TBC1D22A: variants seen among roughly 807,000 people sequenced by gnomAD.
TBC1D22A encodes the protein putative GTPase activator.
Under a neutral mutation model 60.2 loss-of-function variants are expected in TBC1D22A, and 38 were observed. The observed-to-expected ratio is 0.63, with a 90% confidence interval of 0.49 to 0.83. The LOEUF is 0.83. Ranked by LOEUF, TBC1D22A falls within the 40% of genes least tolerant of loss-of-function variation. The pLI is 0.00. For synonymous variants in TBC1D22A, 302 were observed against 281.7 expected (o/e 1.07, Z -0.72); for missense variants, 628 against 701.0 (o/e 0.90, Z 1.18).
At chr22:47,133,093 G>T (rs966098018) in intron 12 of TBC1D22A, among the ~76,000 whole-genome samples, 3 of 152,250 alleles carry the variant, frequency 2.0e-5, no homozygotes, top group Non-Finnish European at 4.4e-5. Context: ...CCTGTAAAAT[G>T]TAACAGCCTA....
chr22:47,144,530 C>G (rs570725868), intron 12 of TBC1D22A, among the ~76,000 whole-genome samples: 1 of 152,356 alleles, frequency 6.6e-6, no homozygotes, highest in Admixed American at 6.5e-5. Flanking sequence ...TTACTGAGCC[C>G]CTGTCTGCCT....
In TBC1D22A at chr22:47,058,263, G is replaced by C. The variant is rs977929872; in HGVS notation, c.1329+21065G>C. 2.0e-5 allele frequency among the ~76,000 whole-genome samples: 3 copies of C among 152,118 alleles called. No homozygotes were observed. The East Asian group carries it at 5.8e-4, about 29-fold the overall frequency. On this transcript the variant is annotated intron_variant, in intron 11 of 12. Transcript: ENST00000337137. ...GAGGGGCTGGCCTCCTCCCCATGCC[G>C]TGCAGGCCTGGAGCTGCTTGTTACT...
At chr22:46,862,241 AGGTCTTCTC>A (rs2087932438) in intron 4 of TBC1D22A, among the ~76,000 whole-genome samples, 1 of 152,148 alleles carries the variant, frequency 6.6e-6, no homozygotes, top group African/African-American at 2.4e-5. Context: ...CAGCTCCATG[AGGTCTTCTC>A]GCTCTTAGCA....
At chr22:47,149,954 C>T (rs2067438063) in intron 12 of TBC1D22A, among the ~76,000 whole-genome samples, 1 of 152,004 alleles carries the variant, frequency 6.6e-6, no homozygotes, top group South Asian at 2.1e-4. Context: ...AGAGGAGGGG[C>T]CTCCTCTCCC....
At chr22:46,913,789 C>G (rs1358717989) in intron 8 of TBC1D22A, 5 of 983,726 alleles carry the variant, frequency 5.1e-6, no homozygotes, top group Non-Finnish European at 6.0e-6. Flanking sequence ...TTTGTTTTAA[C>G]TACTTTACCG....
chr22:46,815,200 C>A (rs112381307), intron 4 of TBC1D22A, among the ~76,000 whole-genome samples: 105 of 152,326 alleles, frequency 6.9e-4, no homozygotes, highest in African/African-American at 2.4e-3. Flanking sequence ...AACTCTTGAA[C>A]ACTTCCTTGT....
chr22:46,930,952 A>G (rs1303531535), intron 8 of TBC1D22A, among the ~76,000 whole-genome samples: 1 of 152,226 alleles, frequency 6.6e-6, no homozygotes, highest in Non-Finnish European at 1.5e-5. Flanking sequence ...TTCTCACAGC[A>G]GCCTTGTAAG....
At chr22:46,854,857 C>T (rs1394113360) in intron 4 of TBC1D22A, among the ~76,000 whole-genome samples, 1 of 152,120 alleles carries the variant, frequency 6.6e-6, no homozygotes, top group Non-Finnish European at 1.5e-5. Context: ...CTGTTTCATC[C>T]AGACATAGGA....
chr22:46,917,761 C>A (rs56400936), intron 8 of TBC1D22A, among the ~76,000 whole-genome samples: 1 of 151,988 alleles, frequency 6.6e-6, no homozygotes, highest in Non-Finnish European at 1.5e-5. Flanking sequence ...TGGAGTGCAG[C>A]GGGTCACAGG....
At chr22:46,847,940 TGTGTGTGTGTGTGTGC>T (rs958217577) in intron 4 of TBC1D22A, among the ~76,000 whole-genome samples, 17 of 124,830 alleles carry the variant, frequency 1.4e-4, no homozygotes, top group African/African-American at 5.6e-4. Flanking sequence ...TGTGTGTGTG[TGTGTGTGTGTGTGTGC>T]GCGCGCGCAC....
At chr22:46,822,250 A>G (rs2085862805) in intron 4 of TBC1D22A, among the ~76,000 whole-genome samples, 1 of 152,008 alleles carries the variant, frequency 6.6e-6, no homozygotes, top group Non-Finnish European at 1.5e-5. Flanking sequence ...CAATTTGTCC[A>G]TCTGATCTTC....
intron 8 of TBC1D22A, among the ~76,000 whole-genome samples, chr22:46,965,763 G>A (rs2073772309): frequency 1.3e-5 from 2 of 152,222 alleles, no homozygotes; most frequent in South Asian, 4.1e-4. Context: ...CTGGTGTGGG[G>A]TTTCGTGATG....
intron 8 of TBC1D22A, chr22:46,915,912 C>A (rs769970324): frequency 1.8e-5 from 8 of 448,970 alleles, no homozygotes; most frequent in Non-Finnish European, 2.7e-5. Flanking sequence ...TCCAACTCTG[C>A]ACATGCTGGC....
chr22:47,159,983 A>T (rs1346679540), intron 12 of TBC1D22A, among the ~76,000 whole-genome samples: 1 of 151,774 alleles, frequency 6.6e-6, no homozygotes. Context: ...CAGGTGACTC[A>T]CACACACCCC....
chr22:46,990,482 A>G lies in TBC1D22A; in HGVS notation c.1126-7152A>G, dbSNP rs1459575583. On this transcript the variant is annotated intron_variant, in intron 9 of 12. Transcript: ENST00000337137. This position sits in a 1 kb window ranked among gnomAD's most constrained non-coding sequence, Gnocchi z 4.6. Reference sequence around the variant, plus strand: ...CACATCACTGACTTCAGTGTGGCATATGTGTTACAATTGAGGAGCCAATAT... The same window carrying G: ...CACATCACTGACTTCAGTGTGGCATGTGTGTTACAATTGAGGAGCCAATAT... 6.6e-6 allele frequency among the ~76,000 whole-genome samples: 1 copy of G among 152,018 alleles called. No homozygotes were observed. The highest frequency in any genetic ancestry group is 1.5e-5 in the Non-Finnish European group (1 of 68,008).
At chr22:47,106,898 A>G (rs1226046258) in intron 11 of TBC1D22A, among the ~76,000 whole-genome samples, 6 of 152,132 alleles carry the variant, frequency 3.9e-5, no homozygotes, top group African/African-American at 1.4e-4. Flanking sequence ...ATGCCCCTGC[A>G]CTCCAGTCTG....
intron 9 of TBC1D22A, among the ~76,000 whole-genome samples, chr22:46,979,854 C>T (rs2074444501): frequency 6.6e-6 from 1 of 152,138 alleles, no homozygotes; most frequent in Non-Finnish European, 1.5e-5. Flanking sequence ...TAACAGACCC[C>T]TTGAAAGGTC....
chr22:47,073,570 T>A (rs1035100143), intron 11 of TBC1D22A, among the ~76,000 whole-genome samples: 1 of 152,104 alleles, frequency 6.6e-6, no homozygotes, highest in Non-Finnish European at 1.5e-5. Context: ...AATAAAAATT[T>A]AAAAAAACAC....
At chr22:46,934,728 T>C (rs6008004) in intron 8 of TBC1D22A, among the ~76,000 whole-genome samples, 16,805 of 152,246 alleles carry the variant, frequency 0.11, 1,072 homozygotes, top group African/African-American at 0.17. Context: ...GTCTCCTCTC[T>C]GGTTCAGTGC....
Sources: allele counts gnomAD v4.1 joint callset (sites outside exome capture counted in the v4.1 genomes callset), GRCh38; gene constraint gnomAD v4.1.1; non-coding constraint Gnocchi (gnomAD v3.1); transcripts MANE v1.5; gene names NCBI Gene and HGNC (gene_info 2026-07-23, HGNC 2026-07-21).